The following SLC8A1 variants were observed in gnomAD, a reference collection of about 807,000 sequenced individuals.
The protein encoded by SLC8A1 is sodium/calcium exchanger 1.
In SLC8A1, 18 loss-of-function variants were observed where a neutral mutation model predicts 68.3. That is an observed-to-expected ratio of 0.26 (90% confidence interval 0.18 to 0.39). SLC8A1 has a LOEUF of 0.39. Among genes scored for constraint, SLC8A1 ranks in the 10% least tolerant of loss-of-function variants. The pLI, the probability that SLC8A1 is intolerant of heterozygous loss-of-function variation, is 1.00. For synonymous variants in SLC8A1, 475 were observed against 415.5 expected, an observed-to-expected ratio of 1.14 and a Z score of -1.74; for missense variants, 985 against 1,156.7, an observed-to-expected ratio of 0.85 and a Z score of 2.15.
chr2:40,264,175 G>A (rs1450672705), intron 2 of SLC8A1, among the ~76,000 whole-genome samples: 1 of 150,726 alleles, frequency 6.6e-6, no homozygotes, highest in Non-Finnish European at 1.5e-5. Flanking sequence ...AGTTAGAATG[G>A]CAATCATTAA....
intron 2 of SLC8A1, among the ~76,000 whole-genome samples, chr2:40,228,261 G>C (rs935203303): frequency 2.6e-5 from 4 of 152,154 alleles, no homozygotes; most frequent in African/African-American, 7.2e-5. Context: ...GCAGACATTA[G>C]CTGTAAGTAT....
chr2:40,479,143 C>A (rs546917042), intron 1 of SLC8A1, among the ~76,000 whole-genome samples: 2 of 152,152 alleles, frequency 1.3e-5, no homozygotes, highest in Non-Finnish European at 2.9e-5. Flanking sequence ...TCAGAATGTA[C>A]AAAGATTTAG....
At chr2:40,165,595 G>A (rs963644557) in intron 4 of SLC8A1, among the ~76,000 whole-genome samples, 12 of 152,186 alleles carry the variant, frequency 7.9e-5, no homozygotes, top group African/African-American at 2.9e-4. Flanking sequence ...TCAGTCTGGT[G>A]CAAAGCCAAA....
rs2075270099 is a variant in SLC8A1 at position 40,322,084 on chromosome 2, A to C, written c.1808+106389T>G. ...GTTCACATATTTTTAGCAGTAAGTC[A>C]GTTTCTTTGACCTTTTTTACCCATA... is the stretch of plus-strand genomic sequence containing the variant. On this transcript the variant is annotated intron_variant, in intron 2 of 7. Transcript: ENST00000406785. Among the ~76,000 whole-genome samples the C allele has an allele frequency of 3.9e-5, 6 of 152,226 alleles. 1 individual carries two copies. The South Asian group carries it at 1.2e-3, about 32-fold the overall frequency.
intron 1 of SLC8A1, among the ~76,000 whole-genome samples, chr2:40,430,586 T>A (rs556839213): frequency 6.6e-6 from 1 of 152,172 alleles, no homozygotes; most frequent in Admixed American, 6.5e-5. Context: ...AGATACACAA[T>A]TGACTTACTG....
intron 7 of SLC8A1, among the ~76,000 whole-genome samples, chr2:40,131,479 T>C (rs184377861): frequency 6.6e-6 from 1 of 152,348 alleles, no homozygotes; most frequent in East Asian, 1.9e-4. Context: ...CTGGGTACAG[T>C]TTCCCAAGGG....
At chr2:40,232,628 T>C in intron 2 of SLC8A1, among the ~76,000 whole-genome samples, 1 of 150,134 alleles carries the variant, frequency 6.7e-6, no homozygotes, top group Admixed American at 6.7e-5. Flanking sequence ...ACTTTAAGTT[T>C]TAGGGTACAT....
In SLC8A1 at chr2:40,237,440, T is replaced by C. The variant is rs553324168; in HGVS notation, c.1809-59585A>G. On this transcript the variant is annotated intron_variant, in intron 2 of 7. Coordinates refer to ENST00000406785, the Ensembl canonical transcript of SLC8A1. ...CATTCTTCACGTAGTTCTTGAGCCTTGGTTTTCAGCTCCATCAGCTACTTT... is the reference window on the plus strand; with the variant it reads ...CATTCTTCACGTAGTTCTTGAGCCTCGGTTTTCAGCTCCATCAGCTACTTT... Among the ~76,000 whole-genome samples, 591 of 152,290 alleles carry C rather than the reference T, an allele frequency of 3.9e-3. 2 individuals are homozygous for C. The highest frequency in any genetic ancestry group is 5.2e-3 in the Non-Finnish European group (355 of 68,022).
rs114243206 is a variant in SLC8A1 at position 40,171,424 on chromosome 2, C to T, written c.1930+3401G>A. 9.8e-3 allele frequency among the ~76,000 whole-genome samples: 1,489 copies of T among 152,274 alleles called. 31 individuals are homozygous for T. Among genetic ancestry groups the T allele is most frequent in the African/African-American group, 0.034 (1,399 of 41,538 alleles). On this transcript the variant is annotated intron_variant, in intron 4 of 7. Transcript: ENST00000406785. Reference sequence around the variant, plus strand: ...AAGTTTTGGGGATCAAACTTACATTCTTCTCTCCATAGTGAGCCAGAATAC... The same window carrying T: ...AAGTTTTGGGGATCAAACTTACATTTTTCTCTCCATAGTGAGCCAGAATAC...
At chr2:40,303,997 A>C (rs1559160396) in intron 2 of SLC8A1, among the ~76,000 whole-genome samples, 1 of 152,218 alleles carries the variant, frequency 6.6e-6, no homozygotes, top group Non-Finnish European at 1.5e-5. Context: ...CGGATCAACA[A>C]GACGTCATTT....
chr2:40,460,037 G>A (rs1395655858), intron 1 of SLC8A1, among the ~76,000 whole-genome samples: 1 of 152,074 alleles, frequency 6.6e-6, no homozygotes, highest in Non-Finnish European at 1.5e-5. Flanking sequence ...TGTCAATGGT[G>A]TTTTATTTGC....
intron 4 of SLC8A1, among the ~76,000 whole-genome samples, chr2:40,172,144 A>G (rs1234750471): frequency 1.3e-5 from 2 of 152,204 alleles, no homozygotes; most frequent in Admixed American, 1.3e-4. Context: ...TCCAAGAAAA[A>G]AAGTTCTTTA....
At chr2:40,252,950 CAT>C (rs145630524) in intron 2 of SLC8A1, among the ~76,000 whole-genome samples, 14,333 of 92,548 alleles carry the variant, frequency 0.15, 908 homozygotes, top group African/African-American at 0.24. Flanking sequence ...TACATATATA[CAT>C]ATGTGTGTAT....
chr2:40,336,075 T>G (rs1665886989), intron 2 of SLC8A1, among the ~76,000 whole-genome samples: 1 of 152,172 alleles, frequency 6.6e-6, no homozygotes, highest in East Asian at 1.9e-4. Context: ...TGCCATGACT[T>G]AAAAACGAAA....
Position 40,170,440 on chromosome 2 carries a change from C to T in SLC8A1, c.1930+4385G>A, listed in dbSNP as rs1305677241. ...GGAATTAGTAAGCTAAACATCACAC[C>T]CAGATGCACACATCACAAGCAACGT... On this transcript the variant is annotated intron_variant, in intron 4 of 7. Transcript: ENST00000406785. 1.3e-5 allele frequency: 14 copies of T among 1,059,580 alleles called. No homozygotes were observed. In the Admixed American group the frequency reaches 2.4e-4, roughly 18 times the overall value. 65.6% of individuals were successfully genotyped at this position (1,059,580 alleles called of 1,614,324 possible).
At chr2:40,366,768 T>C (rs1676332101) in intron 2 of SLC8A1, among the ~76,000 whole-genome samples, 2 of 119,918 alleles carry the variant, frequency 1.7e-5, no homozygotes, top group South Asian at 2.6e-4. Flanking sequence ...AGTATTCTTA[T>C]GCTTTTTTTT....
intron 2 of SLC8A1, among the ~76,000 whole-genome samples, chr2:40,274,969 A>C (rs907973834): frequency 2.7e-4 from 41 of 152,220 alleles, no homozygotes; most frequent in African/African-American, 9.6e-4. Context: ...TCCTACCAGC[A>C]GTAGGTTGAC....
intron 1 of SLC8A1, among the ~76,000 whole-genome samples, chr2:40,490,871 T>G (rs1705269424): frequency 6.6e-6 from 1 of 152,106 alleles, no homozygotes. Context: ...GAGAATCATA[T>G]GCATCGTACT....
At chr2:40,357,330 A>G (rs1301475903) in intron 2 of SLC8A1, among the ~76,000 whole-genome samples, 1 of 151,436 alleles carries the variant, frequency 6.6e-6, no homozygotes, top group Admixed American at 6.6e-5. Flanking sequence ...TGTCTCTACA[A>G]AACATTTTTT....
Sources: gnomAD v4.1 joint callset for allele counts (sites outside exome capture counted in the v4.1 genomes callset) on GRCh38, gnomAD v4.1.1 for gene constraint, MANE v1.5 for transcripts, NCBI Gene and HGNC (gene_info 2026-07-23, HGNC 2026-07-21) for gene names.